Variants in KCNAB1 observed in about 807,000 individuals in gnomAD.
KCNAB1 encodes the protein potassium voltage-gated channel subfamily A regulatory beta subunit 1.
Under a neutral mutation model 64.6 loss-of-function variants are expected in KCNAB1, and 35 were observed. The observed-to-expected ratio is 0.54, with a 90% CI of 0.41 to 0.72. The LOEUF is 0.72. KCNAB1 is among the 30% of genes least tolerant of loss of function. The pLI is 0.00. For synonymous variants in KCNAB1, 177 were observed against 183.8 expected, an observed-to-expected ratio of 0.96 and a Z score of 0.30; for missense variants, 401 against 512.9, an observed-to-expected ratio of 0.78 and a Z score of 2.11.
intron 1 of KCNAB1, among the ~76,000 whole-genome samples, chr3:156,207,219 G>A (rs1246966031): frequency 6.6e-6 from 1 of 152,182 alleles, no homozygotes; most frequent in Non-Finnish European, 1.5e-5. Flanking sequence ...CAGGGTGGGA[G>A]TAGTGGGTAG....
chr3:156,523,165 T>C (rs1718068319), intron 11 of KCNAB1, among the ~76,000 whole-genome samples: 1 of 152,242 alleles, frequency 6.6e-6, no homozygotes, highest in African/African-American at 2.4e-5. Flanking sequence ...TTTCTTTACT[T>C]TTTTAAGTTT....
chr3:156,284,227 T>A (rs1464088946), intron 1 of KCNAB1, among the ~76,000 whole-genome samples: 15 of 152,216 alleles, frequency 9.9e-5, no homozygotes, highest in Non-Finnish European at 1.6e-4. Context: ...TACCCTGCCG[T>A]GTGAGGTGTC....
chr3:156,361,900 T>C (rs1011793823), intron 1 of KCNAB1, among the ~76,000 whole-genome samples: 3 of 152,186 alleles, frequency 2.0e-5, no homozygotes, highest in African/African-American at 7.2e-5. Context: ...GCTCCAGTGA[T>C]CCTCTCACCT....
intron 1 of KCNAB1, among the ~76,000 whole-genome samples, chr3:156,376,557 G>A (rs893473470): frequency 2.0e-5 from 3 of 152,232 alleles, no homozygotes; most frequent in Non-Finnish European, 4.4e-5. Context: ...GGAGGTTGCT[G>A]TGGTTTTAAT....
In KCNAB1 at chr3:156,387,144, G is replaced by A. The variant is rs148956032; in HGVS notation, c.276-34472G>A. Among the ~76,000 whole-genome samples, 1,036 of 152,074 alleles carry A rather than the reference G, an allele frequency of 6.8e-3. 8 individuals are homozygous for A. The highest frequency in any genetic ancestry group is 9.8e-3 in the Non-Finnish European group (664 of 67,988). ...CTGGGTCAGGGCAGATGTGGCCAGG[G>A]TGATTGACACAGGGATGAAGTCCCA... On this transcript the variant is annotated intron_variant, in intron 1 of 13. Coordinates refer to ENST00000490337, the MANE Select transcript of KCNAB1 (RefSeq NM_172160.3).
At chr3:156,273,520 T>C in intron 1 of KCNAB1, 2 of 452,300 alleles carry the variant, frequency 4.4e-6, no homozygotes, top group South Asian at 3.2e-5. Context: ...ATACACAGTT[T>C]TACAATTGCT....
At chr3:156,324,794 G>T (rs767750132) in intron 1 of KCNAB1, among the ~76,000 whole-genome samples, 14 of 152,124 alleles carry the variant, frequency 9.2e-5, no homozygotes, top group Non-Finnish European at 1.5e-4. Context: ...GTAATAAAAA[G>T]ACCAGGGTAG....
intron 1 of KCNAB1, among the ~76,000 whole-genome samples, chr3:156,162,242 T>C (rs1481281856): frequency 1.5e-5 from 2 of 129,172 alleles, no homozygotes; most frequent in Non-Finnish European, 3.4e-5. Context: ...TTAGGACATA[T>C]TTATACTGGA....
At chr3:156,498,371 C>G (rs892788800) in intron 8 of KCNAB1, among the ~76,000 whole-genome samples, 2 of 152,132 alleles carry the variant, frequency 1.3e-5, no homozygotes, top group Non-Finnish European at 2.9e-5. Flanking sequence ...TGGGAGGAAC[C>G]TGGTGGGAGG....
chr3:156,439,194 A>G (rs1198505610), intron 2 of KCNAB1, among the ~76,000 whole-genome samples: 1 of 132,610 alleles, frequency 7.5e-6, no homozygotes, highest in South Asian at 2.6e-4. Flanking sequence ...TAAATTCTCA[A>G]AAAAAAAAGT....
intron 1 of KCNAB1, among the ~76,000 whole-genome samples, chr3:156,255,810 G>T (rs559025340): frequency 2.6e-5 from 4 of 152,158 alleles, no homozygotes; most frequent in East Asian, 1.9e-4. Flanking sequence ...ACACAAACTC[G>T]CCAAGCAGAT....
intron 1 of KCNAB1, among the ~76,000 whole-genome samples, chr3:156,290,746 C>G (rs1179297904): frequency 2.6e-5 from 4 of 152,172 alleles, no homozygotes; most frequent in Admixed American, 6.5e-5. Flanking sequence ...TAGTGCATCC[C>G]CCTCCTGAGT....
intron 1 of KCNAB1, among the ~76,000 whole-genome samples, chr3:156,156,209 C>T (rs976224542): frequency 1.3e-5 from 2 of 152,186 alleles, no homozygotes; most frequent in Non-Finnish European, 2.9e-5. Flanking sequence ...TAGAGGTTAA[C>T]TCCCAGGAGT....
At chr3:156,457,163 T>G in intron 3 of KCNAB1, 1 of 1,152,778 alleles carries the variant, frequency 8.7e-7, no homozygotes, top group Non-Finnish European at 1.1e-6. Flanking sequence ...TAAAGAATGT[T>G]GTCAAACCAG....
chr3:156,240,610 C>G (rs1300011371), intron 1 of KCNAB1, among the ~76,000 whole-genome samples: 1 of 152,154 alleles, frequency 6.6e-6, no homozygotes, highest in Non-Finnish European at 1.5e-5. Flanking sequence ...TCTAATATAG[C>G]AGATGAGGAT....
At chr3:156,341,707 T>C (rs1042183399) in intron 1 of KCNAB1, among the ~76,000 whole-genome samples, 32 of 152,044 alleles carry the variant, frequency 2.1e-4, no homozygotes, top group African/African-American at 5.3e-4. Flanking sequence ...CCCACAATCA[T>C]AGAAAAAAAA....
chr3:156,357,184 CA>C (rs1725311221), intron 1 of KCNAB1, among the ~76,000 whole-genome samples: 2 of 152,216 alleles, frequency 1.3e-5, no homozygotes, highest in South Asian at 2.1e-4. Context: ...CACACACACA[CA>C]CCCCTGTTCT....
intron 1 of KCNAB1, among the ~76,000 whole-genome samples, chr3:156,395,610 C>G (rs937179588): frequency 1.5e-5 from 2 of 136,134 alleles, no homozygotes; most frequent in African/African-American, 2.7e-5. Context: ...TTGTGAAGGC[C>G]ATTGGTTCCA....
intron 1 of KCNAB1, among the ~76,000 whole-genome samples, chr3:156,174,929 T>C (rs1487075925): frequency 6.6e-6 from 1 of 152,194 alleles, no homozygotes; most frequent in East Asian, 1.9e-4. Flanking sequence ...CTTCCTCAAG[T>C]CTACAAGTGG....
Sources: gnomAD v4.1 joint callset for allele counts (sites outside exome capture counted in the v4.1 genomes callset) on GRCh38, gnomAD v4.1.1 for gene constraint, MANE v1.5 for transcripts, NCBI Gene and HGNC (gene_info 2026-07-23, HGNC 2026-07-21) for gene names.